GALK2: variants seen among roughly 807,000 people sequenced by gnomAD.
GALK2 encodes the protein N-acetylgalactosamine kinase.
A neutral mutation model predicts 52.4 loss-of-function variants in GALK2; 36 were observed. That is an observed-to-expected ratio of 0.69 (90% CI 0.53 to 0.91). The LOEUF is 0.91. GALK2 is among the 40% of genes least tolerant of loss of function. The probability of loss-of-function intolerance (pLI) is 0.00; values close to 1 mark genes in which losing one functional copy is unlikely to be tolerated. For synonymous variants in GALK2, 176 were observed against 199.1 expected (o/e 0.88, Z 0.98); for missense variants, 579 against 559.1 (o/e 1.04, Z -0.36).
At chr15:49,357,720 C>T (rs1670276744) in intron 3 of GALK2, among the ~76,000 whole-genome samples, 2 of 151,964 alleles carry the variant, frequency 1.3e-5, no homozygotes, top group African/African-American at 4.8e-5. Flanking sequence ...AAGAGGGAAT[C>T]CTCCCTAACT....
intron 3 of GALK2, among the ~76,000 whole-genome samples, chr15:49,235,074 T>C (rs560031214): frequency 8.5e-5 from 13 of 152,298 alleles, no homozygotes; most frequent in Middle Eastern, 3.4e-3. Flanking sequence ...CCAGATACTA[T>C]GTTTTTCCAT....
intron 1 of GALK2, among the ~76,000 whole-genome samples, chr15:49,192,493 A>ATATATATATATATG (rs1566921746): frequency 7.1e-4 from 20 of 28,218 alleles, no homozygotes; most frequent in African/African-American, 2.0e-3. Context: ...ATGTATATAT[A>ATATATATATATATG]TATATATATA....
intron 5 of GALK2, among the ~76,000 whole-genome samples, chr15:49,271,791 ACTCTGG>A (rs1229985785): frequency 6.6e-6 from 1 of 152,150 alleles, no homozygotes; most frequent in African/African-American, 2.4e-5. Flanking sequence ...TATTGAGATC[ACTCTGG>A]GTTGCGAAAC....
chr15:49,272,510 TTAACCAGTTCCCGGG>T (rs2030847054), intron 5 of GALK2, among the ~76,000 whole-genome samples: 1 of 152,178 alleles, frequency 6.6e-6, no homozygotes, highest in East Asian at 1.9e-4. Context: ...TTGTGCACGT[TTAACCAGTTCCCGGG>T]TGACATCAAT....
intron 5 of GALK2, among the ~76,000 whole-genome samples, chr15:49,260,441 A>T: frequency 1.4e-5 from 2 of 146,416 alleles, no homozygotes; most frequent in African/African-American, 5.1e-5. Flanking sequence ...AATTTGTTTG[A>T]GTTCATTGTA....
At chr15:49,256,977 C>A (rs928841222) in intron 5 of GALK2, among the ~76,000 whole-genome samples, 1 of 152,096 alleles carries the variant, frequency 6.6e-6, no homozygotes, top group Non-Finnish European at 1.5e-5. Context: ...ACTTGAGATT[C>A]TATCAATTTT....
At chr15:49,336,454 A>C (rs1214884935), downstream of GALK2, among the ~76,000 whole-genome samples, 2 of 152,204 alleles carry the variant, frequency 1.3e-5, no homozygotes, top group Non-Finnish European at 2.9e-5. Flanking sequence ...TCAGTGTTAC[A>C]CTAGGAGCTC....
At position 49,217,232 on chromosome 15, in the gene GALK2, C is replaced by T. The variant is rs761389243; in HGVS notation, c.185C>T (p.Ala62Val). The T allele has an allele frequency of 6.2e-7, 1 of 1,611,172 alleles. No homozygotes were observed. The highest frequency in any genetic ancestry group is 8.5e-7 in the Non-Finnish European group (1 of 1,177,372). ...TGTGGATATTCTGTTCTTCCTATGG[C>T]TGTAGAACAAGATGTGCTAATAGCT... The part of the protein sequence containing the change: ...DYCGYSVLPM[A>V]VEQDVLIAVE... Residue 62 changes from alanine to valine, a missense_variant, in exon 3 of 10, where the codon GCT becomes GTT. By Grantham distance (64) the Ala-to-Val change is moderately conservative (BLOSUM62 0). Transcript: ENST00000560031.
chr15:49,287,621 T>A (rs2033503962), intron 7 of GALK2, among the ~76,000 whole-genome samples: 1 of 151,912 alleles, frequency 6.6e-6, no homozygotes. Flanking sequence ...GTAAAAAGTT[T>A]AAAAAAAAGC....
chr15:49,155,846 G>A (rs2084430718), exon 1 of GALK2: 1 of 859,522 alleles, frequency 1.2e-6, no homozygotes, highest in South Asian at 1.6e-5. Flanking sequence ...TCAGCCGAAG[G>A]GCGTCGGAAA....
At chr15:49,200,745 A>G (rs910383751) in intron 1 of GALK2, among the ~76,000 whole-genome samples, 2 of 152,172 alleles carry the variant, frequency 1.3e-5, no homozygotes, top group Admixed American at 1.3e-4. Flanking sequence ...TCCAGTTTAT[A>G]GTTCTTCGTT....
chr15:49,327,029 A>C (rs1259541979), intron 9 of GALK2: 1 of 152,150 alleles, frequency 6.6e-6, no homozygotes, highest in Non-Finnish European at 1.5e-5. Context: ...AGAAGAATTA[A>C]TTGTAAGTAC....
intron 1 of GALK2, chr15:49,156,424 C>T: frequency 4.5e-6 from 2 of 448,236 alleles, no homozygotes; most frequent in South Asian, 3.8e-5. Flanking sequence ...CCAGGCACCC[C>T]TCTACCAGCA....
intron 3 of GALK2, among the ~76,000 whole-genome samples, chr15:49,354,397 C>T (rs932330473): frequency 1.8e-4 from 27 of 152,108 alleles, no homozygotes; most frequent in Non-Finnish European, 3.1e-4. Context: ...GCGCACCGTG[C>T]GTGAGCCGAA....
At chr15:49,227,869 G>A (rs1277759438) in intron 3 of GALK2, among the ~76,000 whole-genome samples, 1 of 151,888 alleles carries the variant, frequency 6.6e-6, no homozygotes, top group Non-Finnish European at 1.5e-5. Context: ...TTTGCTTCCA[G>A]GTATAGTACT....
At chr15:49,201,102 ATGTT>A (rs1358113323) in intron 1 of GALK2, 56 bp from the exon 2 acceptor site, 39 of 771,730 alleles carry the variant, frequency 5.1e-5, no homozygotes, top group South Asian at 3.1e-4. Flanking sequence ...ATGTGTGTGT[ATGTT>A]ATGTTACGGA....
Position 49,255,657 on chromosome 15 carries a change from G to C in GALK2, c.504+16290G>C, listed in dbSNP as rs867282858. Among the ~76,000 whole-genome samples the C allele has an allele frequency of 2.8e-5, 3 of 105,660 alleles. No homozygotes were observed. In the East Asian group the frequency reaches 5.8e-4, roughly 21 times the overall value. 69.3% of individuals were successfully genotyped at this position (105,660 alleles called of 152,430 possible). On this transcript the variant is annotated intron_variant, in intron 5 of 9. Coordinates refer to ENST00000560031, the MANE Select transcript of GALK2 (RefSeq NM_002044.4). ...ATTATTTAATACACAGAGATAGGTAGAGATCTGCTGTCTATCAAAATAATG... is the reference window on the plus strand; with the variant it reads ...ATTATTTAATACACAGAGATAGGTACAGATCTGCTGTCTATCAAAATAATG...
intron 1 of GALK2, among the ~76,000 whole-genome samples, chr15:49,200,752 C>T (rs1362896750): frequency 3.9e-5 from 6 of 152,116 alleles, no homozygotes; most frequent in Non-Finnish European, 7.3e-5. Context: ...TATAGTTCTT[C>T]GTTATGACAG....
intron 3 of GALK2, 192 bp from the exon 4 acceptor site, chr15:49,235,659 A>C (rs2090762338): frequency 2.8e-6 from 2 of 716,982 alleles, no homozygotes; most frequent in African/African-American, 3.5e-5. Context: ...TAGTTTAGTC[A>C]CTAAGGCCAC....
Sources: allele counts gnomAD v4.1 joint callset (sites outside exome capture counted in the v4.1 genomes callset), GRCh38; gene constraint gnomAD v4.1.1; transcripts MANE v1.5; gene names NCBI Gene and HGNC (gene_info 2026-07-23, HGNC 2026-07-21).